Variants in RGS6 observed in about 807,000 individuals in gnomAD.
RGS6 encodes regulator of G-protein signaling 6.
RGS6 carries 30 observed loss-of-function variants against 78.5 expected under a neutral mutation model. The ratio of observed to expected loss-of-function variants is 0.38; its 90% CI spans 0.29 to 0.52. RGS6 has a LOEUF of 0.52. Ranked by LOEUF, RGS6 falls within the 20% of genes least tolerant of loss-of-function variation. The pLI is 0.85. For synonymous variants in RGS6, 206 were observed against 206.0 expected, an observed-to-expected ratio of 1.00 and a Z score of 0.00; for missense variants, 495 against 609.7, an observed-to-expected ratio of 0.81 and a Z score of 1.98.
At chr14:72,350,629 G>A (rs999675825) in intron 2 of RGS6, among the ~76,000 whole-genome samples, 7 of 152,270 alleles carry the variant, frequency 4.6e-5, no homozygotes, top group African/African-American at 1.7e-4. Context: ...CCAGCAACAT[G>A]CAAGGTGATG....
the RGS6 span, among the ~76,000 whole-genome samples, chr14:71,886,574 C>T: frequency 6.6e-6 from 1 of 152,152 alleles, no homozygotes; most frequent in African/African-American, 2.4e-5. Flanking sequence ...AGGCAGTGGA[C>T]AAGACCAACA....
At chr14:71,947,222 G>A (rs1263845775) in intron 1 of RGS6, among the ~76,000 whole-genome samples, 1 of 152,178 alleles carries the variant, frequency 6.6e-6, no homozygotes, top group Admixed American at 6.5e-5. Context: ...TGTGGCTAAA[G>A]GGTAAAGTGG....
chr14:72,473,674 G>A (rs2153333780), intron 9 of RGS6, among the ~76,000 whole-genome samples: 1 of 152,314 alleles, frequency 6.6e-6, no homozygotes, highest in South Asian at 2.1e-4. Context: ...CACTGAATTA[G>A]CGCACATTGA....
chr14:72,263,330 T>G (rs2238215), intron 2 of RGS6, among the ~76,000 whole-genome samples: 70,936 of 151,620 alleles, frequency 0.47, 16,691 homozygotes, highest in Middle Eastern at 0.52. Context: ...GATGTCATGT[T>G]GGCCTTTGCT....
intron 2 of RGS6, among the ~76,000 whole-genome samples, chr14:71,968,672 C>T (rs923883927): frequency 6.6e-6 from 1 of 152,126 alleles, no homozygotes; most frequent in African/African-American, 2.4e-5. Context: ...GCACCCTATG[C>T]GACTACCATG....
At chr14:72,352,925 G>A (rs1463271404) in intron 3 of RGS6, among the ~76,000 whole-genome samples, 1 of 152,112 alleles carries the variant, frequency 6.6e-6, no homozygotes, top group African/African-American at 2.4e-5. Context: ...AATAAATTAA[G>A]ATAAAATTTT....
chr14:71,981,602 G>T (rs1164834671), intron 2 of RGS6, among the ~76,000 whole-genome samples: 1 of 151,844 alleles, frequency 6.6e-6, no homozygotes, highest in Admixed American at 6.6e-5. Flanking sequence ...CTGCTCGGGG[G>T]TCAGGGGTCA....
At chr14:72,388,078 T>A (rs1205038087) in intron 3 of RGS6, among the ~76,000 whole-genome samples, 1 of 152,168 alleles carries the variant, frequency 6.6e-6, no homozygotes, top group Non-Finnish European at 1.5e-5. Context: ...TACATGGGAT[T>A]AGGACTCCAC....
At chr14:71,909,579 A>AGAGAGAGAGG in the RGS6 span, among the ~76,000 whole-genome samples, 1 of 144,782 alleles carries the variant, frequency 6.9e-6, no homozygotes, top group East Asian at 2.0e-4. Context: ...AAGGACATAG[A>AGAGAGAGAGG]GAGAGGGAAA....
intron 7 of RGS6, among the ~76,000 whole-genome samples, chr14:72,469,059 C>T (rs917428): frequency 0.38 from 58,079 of 151,918 alleles, 11,354 homozygotes; most frequent in East Asian, 0.66. Context: ...CCCTCCTCGC[C>T]GCCCATCCTC....
chr14:72,160,560 G>C (rs1411699162), intron 2 of RGS6, among the ~76,000 whole-genome samples: 1 of 152,162 alleles, frequency 6.6e-6, no homozygotes, highest in East Asian at 1.9e-4. Context: ...ATCTCAGAAT[G>C]TGACTGTATT....
chr14:72,211,023 T>C (rs2044000575), intron 2 of RGS6, among the ~76,000 whole-genome samples: 1 of 152,212 alleles, frequency 6.6e-6, no homozygotes, highest in South Asian at 2.1e-4. Flanking sequence ...TACCATTTGC[T>C]TTTAAATCTG....
At chr14:71,894,409 C>G in the RGS6 span, among the ~76,000 whole-genome samples, 2 of 152,204 alleles carry the variant, frequency 1.3e-5, no homozygotes, top group African/African-American at 4.8e-5. Context: ...TTCTTTATCA[C>G]AAACCCTTGT....
chr14:72,058,507 G>GTTTT (rs756553187), intron 2 of RGS6, among the ~76,000 whole-genome samples: 9 of 144,766 alleles, frequency 6.2e-5, no homozygotes, highest in African/African-American at 1.8e-4. Flanking sequence ...TATATAAAGG[G>GTTTT]TTTTTTTTTT....
At chr14:72,125,005 T>C (rs902172338) in intron 2 of RGS6, among the ~76,000 whole-genome samples, 2 of 152,242 alleles carry the variant, frequency 1.3e-5, no homozygotes, top group African/African-American at 4.8e-5. Flanking sequence ...TTTTCCATTA[T>C]AATCTTTTGC....
At chr14:72,300,024 T>C (rs902803594) in intron 2 of RGS6, among the ~76,000 whole-genome samples, 1 of 152,172 alleles carries the variant, frequency 6.6e-6, no homozygotes, top group Non-Finnish European at 1.5e-5. Context: ...ATTCTTTTAC[T>C]TACCCTGAGT....
intron 2 of RGS6, among the ~76,000 whole-genome samples, chr14:72,155,680 T>A (rs972472106): frequency 3.9e-5 from 6 of 152,234 alleles, no homozygotes; most frequent in African/African-American, 1.4e-4. Context: ...AAGCCATTTT[T>A]AAAAATATGA....
intron 17 of RGS6, among the ~76,000 whole-genome samples, chr14:72,544,604 G>A (rs956233015): frequency 3.9e-5 from 6 of 152,202 alleles, no homozygotes; most frequent in Admixed American, 1.3e-4. Context: ...AGGAAGGGCC[G>A]GAAGCTGCAG....
chr14:72,555,042 C>T (rs2097552026), intron 17 of RGS6, among the ~76,000 whole-genome samples: 1 of 152,222 alleles, frequency 6.6e-6, no homozygotes, highest in Admixed American at 6.5e-5. Flanking sequence ...ATGCCAGGAA[C>T]ACCAGCAGGG....
Sources: gnomAD v4.1 joint callset for allele counts (sites outside exome capture counted in the v4.1 genomes callset) on GRCh38, gnomAD v4.1.1 for gene constraint, MANE v1.5 for transcripts, NCBI Gene and HGNC (gene_info 2026-07-23, HGNC 2026-07-21) for gene names.